STARD13: variants seen among roughly 807,000 people sequenced by gnomAD.
STARD13 encodes the protein StAR related lipid transfer domain containing 13.
In STARD13, 62 loss-of-function variants were observed where a neutral mutation model predicts 106.4. The ratio of observed to expected loss-of-function variants is 0.58; its 90% CI spans 0.48 to 0.72. STARD13 has a LOEUF of 0.72. Among genes scored for constraint, STARD13 ranks in the 30% least tolerant of loss-of-function variants. The probability of loss-of-function intolerance (pLI) is 0.00; values close to 1 mark genes in which losing one functional copy is unlikely to be tolerated. For missense variants in STARD13, 1,387 were observed against 1,424.0 expected (o/e 0.97, Z 0.42); for synonymous variants, 565 against 553.0 (o/e 1.02, Z -0.31).
At chr13:33,115,693 G>A (rs895800943) in intron 8 of STARD13, among the ~76,000 whole-genome samples, 2 of 152,204 alleles carry the variant, frequency 1.3e-5, no homozygotes, top group Non-Finnish European at 2.9e-5. Flanking sequence ...TAAGGGGGAA[G>A]CTGTAAACCA....
chr13:33,485,920 A>G, the STARD13 span, among the ~76,000 whole-genome samples: 5 of 152,244 alleles, frequency 3.3e-5, no homozygotes, highest in African/African-American at 1.2e-4. Flanking sequence ...TGAATTAATT[A>G]TCAGGTGTAC....
chr13:33,500,893 G>A, the STARD13 span, among the ~76,000 whole-genome samples: 5 of 151,548 alleles, frequency 3.3e-5, no homozygotes, highest in African/African-American at 1.2e-4. Flanking sequence ...AAACAATGGA[G>A]ATAACCAACT....
At chr13:33,373,821 A>G in the STARD13 span, among the ~76,000 whole-genome samples, 3 of 152,138 alleles carry the variant, frequency 2.0e-5, no homozygotes, top group Non-Finnish European at 2.9e-5. Context: ...GAGAAATTGG[A>G]ATCTTCACAC....
chr13:33,385,307 A>C, the STARD13 span, among the ~76,000 whole-genome samples: 18 of 141,204 alleles, frequency 1.3e-4, no homozygotes, highest in South Asian at 4.2e-3. Context: ...ATAGAGTGTC[A>C]AAGTAAGAAA....
chr13:33,577,078 C>T, the STARD13 span, among the ~76,000 whole-genome samples: 2 of 152,186 alleles, frequency 1.3e-5, no homozygotes, highest in Non-Finnish European at 2.9e-5. Context: ...ATCATTTAAT[C>T]ATTACCACAA....
At chr13:33,581,352 AT>A in the STARD13 span, among the ~76,000 whole-genome samples, 42 of 151,390 alleles carry the variant, frequency 2.8e-4, no homozygotes, top group South Asian at 1.5e-3. Context: ...TCAAATCAAT[AT>A]TTTTTTTTAG....
intron 8 of STARD13, 94 bp from the exon 9 acceptor site, chr13:33,113,025 A>T: frequency 1.1e-6 from 1 of 904,260 alleles, no homozygotes; most frequent in African/African-American, 1.7e-5. Flanking sequence ...TCGTGTGAAC[A>T]CGCACCCAGA....
chr13:33,646,415 G>A, the STARD13 span, among the ~76,000 whole-genome samples: 2 of 152,224 alleles, frequency 1.3e-5, no homozygotes, highest in East Asian at 1.9e-4. Context: ...GAGAGGACAC[G>A]AAGCACTCAT....
chr13:33,580,381 G>C, the STARD13 span, among the ~76,000 whole-genome samples: 1 of 152,066 alleles, frequency 6.6e-6, no homozygotes, highest in Non-Finnish European at 1.5e-5. Flanking sequence ...AGTGGTTGCC[G>C]TGGGCTTAGT....
At chr13:33,291,564 C>A (rs1014908999) in intron 1 of STARD13, among the ~76,000 whole-genome samples, 2 of 152,070 alleles carry the variant, frequency 1.3e-5, no homozygotes, top group African/African-American at 2.4e-5. Flanking sequence ...TTTTTATAAT[C>A]TATATTCACT....
chr13:33,522,862 T>A, the STARD13 span, among the ~76,000 whole-genome samples: 7 of 152,164 alleles, frequency 4.6e-5, 1 homozygote, highest in South Asian at 4.1e-4. Context: ...TTTGCCATGT[T>A]GTGAAGGTCA....
chr13:33,279,327 T>G (rs1436863746), intron 1 of STARD13: 1 of 152,234 alleles, frequency 6.6e-6, no homozygotes, highest in Non-Finnish European at 1.5e-5. Flanking sequence ...ATGATTAATT[T>G]GCTAATGAAA....
chr13:33,292,968 C>T (rs1241968801), intron 1 of STARD13, among the ~76,000 whole-genome samples: 1 of 152,078 alleles, frequency 6.6e-6, no homozygotes, highest in Non-Finnish European at 1.5e-5. Flanking sequence ...AACTCCAGCT[C>T]CCCGTTAGCC....
chr13:33,462,364 G>C, the STARD13 span, among the ~76,000 whole-genome samples: 1 of 152,116 alleles, frequency 6.6e-6, no homozygotes, highest in Non-Finnish European at 1.5e-5. Flanking sequence ...CACATTATTA[G>C]TCTGCATGCT....
intron 1 of STARD13, among the ~76,000 whole-genome samples, chr13:33,252,923 C>A (rs1262495385): frequency 6.6e-6 from 1 of 152,126 alleles, no homozygotes; most frequent in Non-Finnish European, 1.5e-5. Flanking sequence ...AGCACATCAC[C>A]CACCAAGCGA....
At chr13:33,320,679 A>G (rs962371190) in intron 1 of STARD13, among the ~76,000 whole-genome samples, 1 of 152,202 alleles carries the variant, frequency 6.6e-6, no homozygotes, top group South Asian at 2.1e-4. Context: ...AAATGAATAA[A>G]AAAAGATTGG....
chr13:33,315,569 C>A (rs1052936792), intron 1 of STARD13, among the ~76,000 whole-genome samples: 1 of 152,108 alleles, frequency 6.6e-6, no homozygotes, highest in Admixed American at 6.5e-5. Flanking sequence ...CTTTGTGAGG[C>A]CTTCTTAATT....
the STARD13 span, among the ~76,000 whole-genome samples, chr13:33,572,611 A>AT: frequency 1.3e-5 from 2 of 152,110 alleles, no homozygotes; most frequent in East Asian, 3.8e-4. Context: ...AATACAAACT[A>AT]TTTTTTCAAA....
At chr13:33,649,843 G>C in the STARD13 span, among the ~76,000 whole-genome samples, 1 of 152,082 alleles carries the variant, frequency 6.6e-6, no homozygotes. Flanking sequence ...AAGACAGTTG[G>C]AAGCAATAAA....
Sources: gnomAD v4.1 joint callset for allele counts (sites outside exome capture counted in the v4.1 genomes callset) on GRCh38, gnomAD v4.1.1 for gene constraint, MANE v1.5 for transcripts, NCBI Gene and HGNC (gene_info 2026-07-23, HGNC 2026-07-21) for gene names.